The following ZNF684 variants were observed in gnomAD, a reference collection of about 807,000 sequenced individuals.
ZNF684 encodes hypothetical protein MGC27466.
In ZNF684, 13 loss-of-function variants were observed where a neutral mutation model predicts 12.8. The ratio of observed to expected loss-of-function variants is 1.02; its 90% confidence interval spans 0.66 to 1.62. The LOEUF is 1.62. ZNF684 is among the 40% of genes most tolerant of loss of function. The pLI is 0.00. For synonymous variants in ZNF684, 118 were observed against 151.8 expected (o/e 0.78, Z 1.64); for missense variants, 384 against 446.9 (o/e 0.86, Z 1.27).
At chr1:40,532,729 C>T (rs1029171053) in intron 1 of ZNF684, among the ~76,000 whole-genome samples, 8 of 152,098 alleles carry the variant, frequency 5.3e-5, no homozygotes, top group Non-Finnish European at 1.0e-4. Context: ...ATCTCTTATC[C>T]CAGCGTCAGA....
In ZNF684 at chr1:40,533,162, A is replaced by G; in HGVS notation, c.-5A>G. 6.2e-7 allele frequency: 1 copy of G among 1,613,672 alleles called. No individual in the cohort carries two copies. Among genetic ancestry groups the G allele is most frequent in the Non-Finnish European group, 8.5e-7 (1 of 1,179,714 alleles). ...TCATAGATTTCTGTGTAAGAGCTGC[A>G]GAAAATGATCAGCTTCCAGGTAAGG... On this transcript the variant is annotated 5_prime_UTR_variant, in exon 2 of 5. Coordinates refer to ENST00000372699, the MANE Select transcript of ZNF684 (RefSeq NM_152373.4).
chr1:40,537,294 G>A (rs1645991268), intron 2 of ZNF684, among the ~76,000 whole-genome samples: 3 of 152,196 alleles, frequency 2.0e-5, no homozygotes, highest in Admixed American at 2.0e-4. Flanking sequence ...CCTGAGAGGA[G>A]TAATAATTTT....
Position 40,546,962 on chromosome 1 carries a change from A to T in ZNF684, c.639A>T (p.Arg213Ser), listed in dbSNP as rs768279296. ...ATHQKIHNGE[R>S]PFVCNDCGKA... ...ATCAGAAAATTCATAATGGAGAGAG[A>T]CCCTTTGTGTGCAATGATTGTGGGA... The change falls in exon 5 of 5, where the codon AGA becomes AGT. Residue 213 changes from arginine to serine, a missense_variant. Physicochemically the swap from Arg to Ser is moderately radical, Grantham distance 110 (BLOSUM62 -1). Transcript: ENST00000372699. 5.0e-6 allele frequency: 8 copies of T among 1,614,060 alleles called. No individual in the cohort carries two copies. The Admixed American group carries it at 1.3e-4, about 27-fold the overall frequency.
intron 4 of ZNF684, chr1:40,544,363 CTTG>C (rs1432177741): frequency 2.6e-5 from 11 of 423,800 alleles, no homozygotes; most frequent in Non-Finnish European, 5.2e-5. Flanking sequence ...GTTTTGTTTT[CTTG>C]TTGTTGTTTG....
intron 4 of ZNF684, among the ~76,000 whole-genome samples, chr1:40,542,090 G>A (rs901798917): frequency 6.6e-5 from 10 of 152,168 alleles, no homozygotes; most frequent in Admixed American, 3.9e-4. Flanking sequence ...AATTTGAGGC[G>A]TTACTCTACC....
chr1:40,541,878 C>T (rs1242934279), intron 4 of ZNF684, among the ~76,000 whole-genome samples, 168 bp downstream of exon 4: 4 of 152,300 alleles, frequency 2.6e-5, no homozygotes, highest in African/African-American at 9.6e-5. Flanking sequence ...TCATTCTCCC[C>T]ACACGTGCCC....
At chr1:40,545,730 A>G (rs1415576176) in intron 4 of ZNF684, among the ~76,000 whole-genome samples, 7 of 152,046 alleles carry the variant, frequency 4.6e-5, no homozygotes, top group Non-Finnish European at 1.0e-4. Context: ...TCTAAAGGAA[A>G]CTGATACTGT....
In ZNF684 at chr1:40,541,670, A is replaced by G. The variant is rs371511532; in HGVS notation, c.198A>G (p.Pro66=). ...VILKVEQGQE[P]WMVEGANPHE... The stretch of plus-strand genomic sequence containing the variant: ...TCAAGGTAGAGCAAGGACAAGAGCC[A>G]TGGATGGTGGAGGGAGCGAATCCAC... The change falls in exon 4 of 5, where the codon CCA becomes CCG. Residue 66 remains proline (P), a synonymous_variant. Coordinates refer to ENST00000372699, the MANE Select transcript of ZNF684 (RefSeq NM_152373.4). 2.2e-5 allele frequency: 36 copies of G among 1,613,522 alleles called. No homozygotes were observed. Among genetic ancestry groups the G allele is most frequent in the Middle Eastern group, 3.3e-4 (2 of 6,080 alleles).
intron 4 of ZNF684, 31 bp downstream of exon 4, chr1:40,541,741 T>C (rs1343544271): frequency 6.3e-7 from 1 of 1,576,512 alleles, no homozygotes; most frequent in Non-Finnish European, 8.7e-7. Flanking sequence ...TGGGGCTGTG[T>C]GGAGTTGAGA....
At chr1:40,538,347 C>T (rs1425588554) in intron 2 of ZNF684, among the ~76,000 whole-genome samples, 2 of 152,116 alleles carry the variant, frequency 1.3e-5, no homozygotes, top group African/African-American at 4.8e-5. Flanking sequence ...TGCTTGATTC[C>T]TCTTTTATTG....
intron 2 of ZNF684, among the ~76,000 whole-genome samples, chr1:40,533,389 G>A (rs77997497): frequency 7.6e-4 from 116 of 152,310 alleles, no homozygotes; most frequent in African/African-American, 2.4e-3. Flanking sequence ...AGTCTTCCTG[G>A]AAATCATAGT....
chr1:40,544,085 T>G (rs1229357691), intron 4 of ZNF684, among the ~76,000 whole-genome samples: 1 of 152,040 alleles, frequency 6.6e-6, no homozygotes, highest in Non-Finnish European at 1.5e-5. Flanking sequence ...AATTTATTGT[T>G]ATAGAGCCAG....
chr1:40,544,358 G>C, intron 4 of ZNF684: 1 of 421,848 alleles, frequency 2.4e-6, no homozygotes. Context: ...TAAAAGTTTT[G>C]TTTTCTTGTT....
intron 4 of ZNF684, among the ~76,000 whole-genome samples, chr1:40,545,915 CTTTTTTTTTTT>C (rs55993619): frequency 1.5e-5 from 1 of 67,906 alleles, no homozygotes; most frequent in African/African-American, 6.4e-5. Context: ...GTCTCCTTTT[CTTTTTTTTTTT>C]TTTTTTTTTT....
chr1:40,531,733 G>A lies in ZNF684; in HGVS notation c.-79G>A, dbSNP rs1362191610. On this transcript the variant is annotated 5_prime_UTR_variant, in exon 1 of 5. Coordinates refer to ENST00000372699, the MANE Select transcript of ZNF684 (RefSeq NM_152373.4). Reference sequence around the variant, plus strand: ...CTCCCCTGTCTCTGGACGACGCTGTGACTGATCCCAGGCTTGGAGCCGGAG... The same window carrying A: ...CTCCCCTGTCTCTGGACGACGCTGTAACTGATCCCAGGCTTGGAGCCGGAG... 2 of 152,318 alleles carry A rather than the reference G, an allele frequency of 1.3e-5. No individual in the cohort carries two copies. Among genetic ancestry groups the A allele is most frequent in the East Asian group, 1.9e-4 (1 of 5,206 alleles). 9.4% of individuals were successfully genotyped at this position (152,318 alleles called of 1,614,324 possible). A position where few individuals can be genotyped will look rare whatever the true frequency, so the allele number is the denominator to read the frequency against.
chr1:40,547,562 G>C lies in ZNF684; in HGVS notation c.*102G>C, dbSNP rs1646056466. 2 of 1,143,424 alleles carry C rather than the reference G, an allele frequency of 1.7e-6. No homozygotes were observed. Among genetic ancestry groups the C allele is most frequent in the Non-Finnish European group, 1.2e-6 (1 of 843,436 alleles). The allele number at this position is 1,143,424 out of a possible 1,614,324, so 70.8% of individuals were successfully genotyped here. On this transcript the variant is annotated 3_prime_UTR_variant, in exon 5 of 5. Coordinates refer to ENST00000372699, the MANE Select transcript of ZNF684 (RefSeq NM_152373.4). ...GAAGTCTACAATTTAAATGAATTTG[G>C]AAGAGTAGATTCCCATAAAAAACAA...
chr1:40,538,509 TC>T (rs1645997296), intron 2 of ZNF684, among the ~76,000 whole-genome samples: 1 of 152,216 alleles, frequency 6.6e-6, no homozygotes, highest in South Asian at 2.1e-4. Context: ...TCTTGAATTC[TC>T]GTGGGTATAT....
intron 4 of ZNF684, chr1:40,544,402 C>T (rs145958678): frequency 4.2e-5 from 18 of 424,834 alleles, no homozygotes; most frequent in Admixed American, 3.1e-4. Flanking sequence ...GACAGAGTCT[C>T]GCTCTGTCGC....
At chr1:40,543,366 A>G (rs191928578) in intron 4 of ZNF684, among the ~76,000 whole-genome samples, 2 of 151,876 alleles carry the variant, frequency 1.3e-5, no homozygotes, top group African/African-American at 4.8e-5. Flanking sequence ...AATGTCCTCT[A>G]TAACATGGTC....
Sources: gnomAD v4.1 joint callset for allele counts (sites outside exome capture counted in the v4.1 genomes callset) on GRCh38, gnomAD v4.1.1 for gene constraint, MANE v1.5 for transcripts, NCBI Gene and HGNC (gene_info 2026-07-23, HGNC 2026-07-21) for gene names.